PRKCB: variants seen among roughly 807,000 people sequenced by gnomAD.
PRKCB encodes the protein protein kinase C beta type.
PRKCB carries 13 observed loss-of-function variants against 81.5 expected under a neutral mutation model. That is an observed-to-expected ratio of 0.16 (90% CI 0.10 to 0.25). PRKCB has a LOEUF of 0.25. PRKCB is among the 10% of genes least tolerant of loss of function. The pLI is 1.00. For synonymous variants in PRKCB, 335 were observed against 321.4 expected (o/e 1.04, Z -0.45); for missense variants, 509 against 875.7 (o/e 0.58, Z 5.29).
intron 2 of PRKCB, among the ~76,000 whole-genome samples, chr16:23,931,667 C>T (rs1455929835): frequency 8.6e-5 from 13 of 151,972 alleles, no homozygotes; most frequent in East Asian, 1.9e-4. Flanking sequence ...GCTACCGAGA[C>T]GGGGAGGTCA....
At position 24,073,293 on chromosome 16, in the gene PRKCB, C is replaced by G. The variant is rs149510385; in HGVS notation, c.530-19498C>G. Among the ~76,000 whole-genome samples, 179 of 152,282 alleles carry G rather than the reference C, an allele frequency of 1.2e-3. 2 individuals carry two copies. The highest frequency in any genetic ancestry group is 2.2e-3 in the Non-Finnish European group (149 of 68,012). On this transcript the variant is annotated intron_variant, in intron 5 of 16. Coordinates refer to ENST00000643927, the MANE Select transcript of PRKCB (RefSeq NM_002738.7). ...TCTCCTAAAGATGGCCTCCCATTGC[C>G]CACCTGTTTGAATCCTACCTGCCTT...
intron 10 of PRKCB, among the ~76,000 whole-genome samples, chr16:24,171,256 G>A (rs1967435924): frequency 6.6e-6 from 1 of 152,190 alleles, no homozygotes; most frequent in African/African-American, 2.4e-5. Context: ...TTTCCAAGGT[G>A]ATTCTCTCAC....
At chr16:23,920,403 G>T (rs966632520) in intron 2 of PRKCB, among the ~76,000 whole-genome samples, 7 of 152,180 alleles carry the variant, frequency 4.6e-5, no homozygotes, top group East Asian at 1.9e-4. Context: ...CGATTTTGTG[G>T]TTTTTCTGCA....
intron 5 of PRKCB, among the ~76,000 whole-genome samples, chr16:24,070,335 G>A (rs763142784): frequency 4.0e-5 from 6 of 151,806 alleles, no homozygotes; most frequent in Admixed American, 2.0e-4. Flanking sequence ...TTTCAGTAGC[G>A]ACGGATTTTT....
At chr16:24,050,149 A>C (rs1019666876) in intron 5 of PRKCB, among the ~76,000 whole-genome samples, 1 of 152,200 alleles carries the variant, frequency 6.6e-6, no homozygotes, top group Non-Finnish European at 1.5e-5. Flanking sequence ...CACTAATTCA[A>C]AGATGGTTCA....
At chr16:23,862,992 CAG>C (rs1962700341) in intron 2 of PRKCB, among the ~76,000 whole-genome samples, 2 of 151,618 alleles carry the variant, frequency 1.3e-5, no homozygotes, top group African/African-American at 2.4e-5. Flanking sequence ...TATTGCAAAA[CAG>C]AGTAATTAAG....
intron 13 of PRKCB, among the ~76,000 whole-genome samples, chr16:24,183,172 C>T (rs1339562260): frequency 6.6e-6 from 1 of 152,098 alleles, no homozygotes; most frequent in Non-Finnish European, 1.5e-5. Context: ...CTTTCCCTTC[C>T]TTGTCTTGAG....
chr16:24,185,298 A>T, intron 14 of PRKCB, 107 bp downstream of exon 14: 1 of 1,282,502 alleles, frequency 7.8e-7, no homozygotes, highest in East Asian at 2.3e-5. Context: ...TGGAACCTCT[A>T]TGACTTTCCC....
At chr16:23,989,467 A>G (rs961804281) in intron 3 of PRKCB, among the ~76,000 whole-genome samples, 2 of 152,232 alleles carry the variant, frequency 1.3e-5, no homozygotes, top group Admixed American at 6.5e-5. Flanking sequence ...AAGTATGACT[A>G]CTGCTAGTGG....
At chr16:23,892,871 A>G (rs1005063221) in intron 2 of PRKCB, 3 of 152,024 alleles carry the variant, frequency 2.0e-5, no homozygotes, top group African/African-American at 4.8e-5. Flanking sequence ...CCTATCACCT[A>G]TCTCAGGTTC....
At chr16:23,897,307 T>G (rs1362779740) in intron 2 of PRKCB, among the ~76,000 whole-genome samples, 2 of 152,198 alleles carry the variant, frequency 1.3e-5, no homozygotes, top group Non-Finnish European at 2.9e-5. Context: ...CTGAAGGAAG[T>G]GGGGACTTCG....
At chr16:23,964,419 C>T (rs978772979) in intron 2 of PRKCB, among the ~76,000 whole-genome samples, 5 of 152,194 alleles carry the variant, frequency 3.3e-5, no homozygotes, top group Admixed American at 2.6e-4. Flanking sequence ...GTGACAGAGA[C>T]CATGTGGCCT....
At chr16:24,002,306 T>C (rs1965046893) in intron 3 of PRKCB, among the ~76,000 whole-genome samples, 1 of 137,452 alleles carries the variant, frequency 7.3e-6, no homozygotes, top group Non-Finnish European at 1.6e-5. Flanking sequence ...CAGGTGTGTG[T>C]GTGTGTATGT....
At chr16:23,968,169 C>T (rs929799561) in intron 2 of PRKCB, among the ~76,000 whole-genome samples, 3 of 152,144 alleles carry the variant, frequency 2.0e-5, no homozygotes, top group African/African-American at 7.2e-5. Context: ...AATCTAGGTT[C>T]AAACCTACCT....
intron 2 of PRKCB, among the ~76,000 whole-genome samples, chr16:23,948,920 TC>T (rs1278085297): frequency 6.6e-6 from 1 of 152,068 alleles, no homozygotes; most frequent in East Asian, 1.9e-4. Flanking sequence ...TGTGGAAAGG[TC>T]CTTGCAAATC....
At chr16:23,901,268 T>C (rs1278577552) in intron 2 of PRKCB, among the ~76,000 whole-genome samples, 1 of 152,122 alleles carries the variant, frequency 6.6e-6, no homozygotes, top group African/African-American at 2.4e-5. Context: ...CAGTCCTTTA[T>C]GATCGATCAT....
chr16:24,037,528 T>A (rs1965638527), intron 5 of PRKCB, among the ~76,000 whole-genome samples: 1 of 152,234 alleles, frequency 6.6e-6, no homozygotes, highest in Non-Finnish European at 1.5e-5. Context: ...TAGGTCTGTT[T>A]GACTCAAAAG....
At chr16:24,158,597 T>C (rs2141956550) in intron 10 of PRKCB, among the ~76,000 whole-genome samples, 1 of 151,690 alleles carries the variant, frequency 6.6e-6, no homozygotes, top group Non-Finnish European at 1.5e-5. Flanking sequence ...TATGTATATG[T>C]GTGTGTATGT....
chr16:23,969,470 TC>T (rs1216346286), intron 2 of PRKCB, among the ~76,000 whole-genome samples: 4 of 152,162 alleles, frequency 2.6e-5, no homozygotes, highest in Admixed American at 6.5e-5. Context: ...AGAGCTGGTT[TC>T]CAGTCCTGAT....
Sources: allele counts gnomAD v4.1 joint callset (sites outside exome capture counted in the v4.1 genomes callset), GRCh38; gene constraint gnomAD v4.1.1; transcripts MANE v1.5; gene names NCBI Gene and HGNC (gene_info 2026-07-23, HGNC 2026-07-21).